The following HECW1 variants were observed in gnomAD, a reference collection of about 807,000 sequenced individuals.
HECW1 encodes the protein HECT, C2 and WW domain containing E3 ubiquitin protein ligase 1.
A neutral mutation model predicts 182.3 loss-of-function variants in HECW1; 61 were observed. The ratio of observed to expected loss-of-function variants is 0.33; its 90% CI spans 0.27 to 0.41. HECW1 has a LOEUF of 0.41. Among genes scored for constraint, HECW1 ranks in the 10% least tolerant of loss-of-function variants. The probability of loss-of-function intolerance (pLI) is 1.00; values close to 1 mark genes in which losing one functional copy is unlikely to be tolerated. For missense variants in HECW1, 1,739 were observed against 2,108.9 expected, an observed-to-expected ratio of 0.82 and a Z score of 3.44; for synonymous variants, 859 against 832.6, an observed-to-expected ratio of 1.03 and a Z score of -0.55.
intron 2 of HECW1, among the ~76,000 whole-genome samples, chr7:43,131,282 G>T (rs7786564): frequency 0.23 from 34,351 of 152,014 alleles, 4,200 homozygotes; most frequent in Non-Finnish European, 0.27. Context: ...AATTTTTTTT[G>T]TATTTAATCC....
At chr7:43,192,797 G>C (rs1366294063) in intron 2 of HECW1, among the ~76,000 whole-genome samples, 2 of 151,966 alleles carry the variant, frequency 1.3e-5, no homozygotes, top group Non-Finnish European at 2.9e-5. Context: ...ACTGTCACAG[G>C]GCGAACCCCA....
intron 3 of HECW1, among the ~76,000 whole-genome samples, chr7:43,253,334 G>A (rs867531362): frequency 1.4e-4 from 21 of 152,158 alleles, no homozygotes; most frequent in Admixed American, 4.6e-4. Context: ...TCACTTGTTG[G>A]TAGTGATGAT....
At chr7:43,158,213 G>A (rs949052870) in intron 2 of HECW1, among the ~76,000 whole-genome samples, 6 of 152,060 alleles carry the variant, frequency 3.9e-5, no homozygotes, top group African/African-American at 1.4e-4. Flanking sequence ...AAGGTAAAAG[G>A]CAATACAGGT....
At chr7:43,401,333 G>C (rs1469114990) in intron 7 of HECW1, among the ~76,000 whole-genome samples, 2 of 152,100 alleles carry the variant, frequency 1.3e-5, no homozygotes, top group Non-Finnish European at 2.9e-5. Context: ...CATCAATGAA[G>C]GGCAAAGTCC....
intron 2 of HECW1, among the ~76,000 whole-genome samples, chr7:43,158,718 A>C (rs1469888651): frequency 1.3e-5 from 2 of 151,542 alleles, no homozygotes; most frequent in Non-Finnish European, 2.9e-5. Context: ...AGTCATTCCC[A>C]CCCAGCTACC....
chr7:43,528,929 C>G (rs1471599983), intron 24 of HECW1, among the ~76,000 whole-genome samples: 1 of 152,164 alleles, frequency 6.6e-6, no homozygotes, highest in Non-Finnish European at 1.5e-5. Flanking sequence ...TCATGACTTG[C>G]ATCTGCAATA....
intron 6 of HECW1, among the ~76,000 whole-genome samples, chr7:43,365,298 G>A (rs570855420): frequency 1.4e-4 from 21 of 152,354 alleles, no homozygotes; most frequent in African/African-American, 5.0e-4. Context: ...CCTACAGAGC[G>A]TTCACCTGGC....
At chr7:43,447,955 G>A (rs1165847299) in intron 11 of HECW1, among the ~76,000 whole-genome samples, 1 of 151,732 alleles carries the variant, frequency 6.6e-6, no homozygotes, top group African/African-American at 2.4e-5. Flanking sequence ...GTGAAACCCT[G>A]TCTCTACTAA....
intron 2 of HECW1, among the ~76,000 whole-genome samples, chr7:43,208,177 A>G (rs901342375): frequency 2.6e-5 from 4 of 152,068 alleles, no homozygotes; most frequent in South Asian, 2.1e-4. Flanking sequence ...TTACCTCTTC[A>G]TGTGACATCT....
At chr7:43,380,231 A>T (rs28540199) in intron 6 of HECW1, among the ~76,000 whole-genome samples, 5 of 151,976 alleles carry the variant, frequency 3.3e-5, no homozygotes, top group Admixed American at 2.0e-4. Context: ...ATTTTTAAAA[A>T]TTTTTAAATT....
intron 2 of HECW1, among the ~76,000 whole-genome samples, chr7:43,191,202 T>C (rs914751599): frequency 6.6e-6 from 1 of 152,218 alleles, no homozygotes; most frequent in African/African-American, 2.4e-5. Flanking sequence ...AGTTCATGTG[T>C]CCTGTCTGTC....
chr7:43,121,517 G>A (rs549489155), intron 2 of HECW1, among the ~76,000 whole-genome samples: 5 of 152,132 alleles, frequency 3.3e-5, no homozygotes, highest in Admixed American at 1.3e-4. Flanking sequence ...TTCCGTAGTT[G>A]TGTAAACATA....
chr7:43,182,001 G>T (rs1223259028), intron 2 of HECW1, among the ~76,000 whole-genome samples: 1 of 151,844 alleles, frequency 6.6e-6, no homozygotes, highest in Non-Finnish European at 1.5e-5. Flanking sequence ...AGCCAGGAAG[G>T]TCTCGATCTC....
At chr7:43,394,430 C>T (rs1331710183) in intron 6 of HECW1, among the ~76,000 whole-genome samples, 1 of 152,178 alleles carries the variant, frequency 6.6e-6, no homozygotes, top group Non-Finnish European at 1.5e-5. Flanking sequence ...GAAAGCCAAT[C>T]ACTGAGACAA....
At position 43,152,924 on chromosome 7, in the gene HECW1, C is replaced by T. The variant is rs536198713; in HGVS notation, c.-32+38533C>T. On this transcript the variant is annotated intron_variant, in intron 2 of 29. Transcript: ENST00000395891. ...CAGCATGGTGCAATTTAGTAATGTC[C>T]GTCACTCCTCTTCTGTGCCTGGTGC... 1.9e-3 allele frequency among the ~76,000 whole-genome samples: 296 copies of T among 152,176 alleles called. 1 individual carries two copies. The highest frequency in any genetic ancestry group is 2.6e-3 in the Non-Finnish European group (177 of 68,016).
At chr7:43,328,959 G>A (rs913152496) in intron 5 of HECW1, among the ~76,000 whole-genome samples, 4 of 152,152 alleles carry the variant, frequency 2.6e-5, no homozygotes, top group Admixed American at 1.3e-4. Flanking sequence ...GCTGGGGATC[G>A]TGCTGGTCTC....
chr7:43,479,047 A>G (rs912098834), intron 16 of HECW1, among the ~76,000 whole-genome samples: 1 of 152,174 alleles, frequency 6.6e-6, no homozygotes, highest in Non-Finnish European at 1.5e-5. Context: ...GTTTTATGGA[A>G]GGCAATTTTT....
chr7:43,561,377 G>T (rs2082202967), intron 29 of HECW1, among the ~76,000 whole-genome samples: 1 of 152,182 alleles, frequency 6.6e-6, no homozygotes, highest in African/African-American at 2.4e-5. Context: ...AGAATTCCAG[G>T]CCATCTCAGG....
At chr7:43,534,884 G>A (rs2081119903) in intron 24 of HECW1, among the ~76,000 whole-genome samples, 1 of 152,184 alleles carries the variant, frequency 6.6e-6, no homozygotes, top group Non-Finnish European at 1.5e-5. Flanking sequence ...TTCTGAGTGT[G>A]ATGTAAGAAA....
Sources: gnomAD v4.1 joint callset for allele counts (sites outside exome capture counted in the v4.1 genomes callset) on GRCh38, gnomAD v4.1.1 for gene constraint, MANE v1.5 for transcripts, NCBI Gene and HGNC (gene_info 2026-07-23, HGNC 2026-07-21) for gene names.